TTC21A: variants seen among roughly 807,000 people sequenced by gnomAD.
TTC21A encodes tetratricopeptide repeat domain 21A.
A neutral mutation model predicts 156.4 loss-of-function variants in TTC21A; 128 were observed. That is an observed-to-expected ratio of 0.82 (90% CI 0.71 to 0.95). The LOEUF (loss-of-function observed/expected upper bound fraction) is 0.95. TTC21A is among the 40% of genes least tolerant of loss of function. TTC21A has a pLI of 0.00. For synonymous variants in TTC21A, 587 were observed against 617.1 expected (o/e 0.95, Z 0.72); for missense variants, 1,435 against 1,602.3 (o/e 0.90, Z 1.78).
intron 19 of TTC21A, 110 bp downstream of exon 19, chr3:39,131,205 A>G (rs2125846510): frequency 1.2e-6 from 1 of 813,488 alleles, no homozygotes; most frequent in Non-Finnish European, 1.9e-6. Context: ...CTTCCTTAAA[A>G]AAGGACCTAG....
In TTC21A at chr3:39,138,069, T is replaced by G. The variant is rs115990273; in HGVS notation, c.3676-198T>G. ...TACAGGGAAAGGGGTTACGCCAGTG[T>G]CTGGGGTAGCTGAGAGGAGGGCACA... On this transcript the variant is annotated intron_variant, in intron 26 of 28. Transcript: ENST00000683103. The G allele has an allele frequency of 2.0e-3, 1,419 of 699,058 alleles. 16 individuals carry two copies. In the African/African-American group the frequency reaches 0.022, roughly 11 times the overall value. The allele number at this position is 699,058 out of a possible 1,614,324, so 43.3% of individuals were successfully genotyped here.
At chr3:39,115,159 GA>G (rs35148580) in intron 6 of TTC21A, among the ~76,000 whole-genome samples, 131 of 152,182 alleles carry the variant, frequency 8.6e-4, no homozygotes, top group African/African-American at 2.5e-3. Flanking sequence ...AACTTTAGGG[GA>G]AAAAAGTCAC....
intron 26 of TTC21A, 175 bp downstream of exon 26, chr3:39,137,885 C>T (rs899972038): frequency 2.0e-5 from 14 of 705,140 alleles, no homozygotes; most frequent in Middle Eastern, 3.9e-4. Flanking sequence ...GGATCAAGGG[C>T]GATGGACCAG....
At chr3:39,111,516 G>T (rs2036826130) in intron 4 of TTC21A, among the ~76,000 whole-genome samples, 1 of 152,154 alleles carries the variant, frequency 6.6e-6, no homozygotes, top group African/African-American at 2.4e-5. Flanking sequence ...GAACTGAATG[G>T]TGGCTCATGC....
chr3:39,138,095 C>T, intron 26 of TTC21A, 172 bp from the exon 27 acceptor site: 1 of 850,618 alleles, frequency 1.2e-6, no homozygotes, highest in Non-Finnish European at 1.8e-6. Flanking sequence ...GGAGGGCACA[C>T]AGTTGGCTTC....
rs1298277775 is a variant in TTC21A, at chr3:39,130,958, T to G, written c.2459-34T>G. 1 of 1,609,706 alleles carries G rather than the reference T, an allele frequency of 6.2e-7. No individual in the cohort carries two copies. Among genetic ancestry groups the G allele is most frequent in the Non-Finnish European group, 8.5e-7 (1 of 1,177,122 alleles). ...ACCAACACAGCTTCCCAGGAGCCAGTGAACTAACACTAATTTGAGTTTCCA... is the reference window on the plus strand; with the variant it reads ...ACCAACACAGCTTCCCAGGAGCCAGGGAACTAACACTAATTTGAGTTTCCA... On this transcript the variant is annotated intron_variant, in intron 18 of 28. Coordinates refer to ENST00000683103, the MANE Select transcript of TTC21A (RefSeq NM_001366900.1). The surrounding 1 kb of genome is among the most constrained non-coding windows in gnomAD (Gnocchi z 4.5).
At chr3:39,124,240 T>A (rs750706594) in intron 9 of TTC21A, among the ~76,000 whole-genome samples, 4 of 152,172 alleles carry the variant, frequency 2.6e-5, no homozygotes, top group Non-Finnish European at 5.9e-5. Context: ...AGTAGGGCAA[T>A]AGTTAAATAA....
chr3:39,108,668 T>G (rs751882009), intron 1 of TTC21A, among the ~76,000 whole-genome samples: 1 of 152,206 alleles, frequency 6.6e-6, no homozygotes, highest in East Asian at 1.9e-4. Context: ...TCCATGGGCT[T>G]AAGCTTCCTT....
At chr3:39,129,023 T>A in intron 14 of TTC21A, 49 bp from the exon 15 acceptor site, 2 of 1,608,378 alleles carry the variant, frequency 1.2e-6, no homozygotes, top group Non-Finnish European at 1.7e-6. Context: ...TTCCACCCAC[T>A]GTTTACTTGT....
rs2038618825 is a variant in TTC21A at position 39,130,241 on chromosome 3, C to T, written c.2209-7C>T. ...AGAGGAAGACCCAAAGACACTTTCC[C>T]CACCAGCCCGAGAAGGCCCTGGAGG... On this transcript the variant is annotated splice_polypyrimidine_tract_variant and splice_region_variant and intron_variant, in intron 16 of 28. Coordinates refer to ENST00000683103, the MANE Select transcript of TTC21A (RefSeq NM_001366900.1). The surrounding 1 kb of genome is among the most constrained non-coding windows in gnomAD (Gnocchi z 4.5). 8 of 1,612,706 alleles carry T rather than the reference C, an allele frequency of 5.0e-6. No homozygotes were observed. Among genetic ancestry groups the T allele is most frequent in the Non-Finnish European group, 6.8e-6 (8 of 1,179,272 alleles).
intron 11 of TTC21A, 94 bp from the exon 12 acceptor site, chr3:39,126,167 A>T: frequency 6.6e-7 from 1 of 1,513,428 alleles, no homozygotes; most frequent in Non-Finnish European, 9.0e-7. Flanking sequence ...GAATGAAGCA[A>T]AATTCCTTCA....
chr3:39,118,960 GA>G, intron 7 of TTC21A: 2 of 152,274 alleles, frequency 1.3e-5, no homozygotes, highest in East Asian at 1.9e-4. Flanking sequence ...GTATTTGGGA[GA>G]AAAAGGCCCC....
At chr3:39,133,312 G>T in intron 20 of TTC21A, 72 bp downstream of exon 20, 2 of 1,459,450 alleles carry the variant, frequency 1.4e-6, no homozygotes, top group African/African-American at 1.4e-5. Context: ...CACTGACCAG[G>T]TACAGGGGCC....
intron 22 of TTC21A, among the ~76,000 whole-genome samples, 163 bp downstream of exon 22, chr3:39,135,337 G>A (rs879451853): frequency 1.3e-5 from 2 of 152,210 alleles, no homozygotes; most frequent in Admixed American, 6.5e-5. Flanking sequence ...CCAGTGGAAC[G>A]TGCCGGCCCT....
Position 39,138,789 on chromosome 3 carries a change from C to G in TTC21A, c.*1C>G. 6.2e-7 allele frequency: 1 copy of G among 1,613,700 alleles called. No individual in the cohort carries two copies. The highest frequency in any genetic ancestry group is 8.5e-7 in the Non-Finnish European group (1 of 1,179,676). The stretch of plus-strand genomic sequence containing the variant: ...GGCCCGAAGGTCCCTGAGGCCCTAG[C>G]TGGGGTCAAGGGGCCTGGACCAGTA... On this transcript the variant is annotated 3_prime_UTR_variant, in exon 29 of 29. Transcript: ENST00000683103.
chr3:39,135,019 A>ACCCCCC, intron 21 of TTC21A, 74 bp from the exon 22 acceptor site: 8 of 1,258,914 alleles, frequency 6.4e-6, no homozygotes, highest in South Asian at 6.0e-5. Flanking sequence ...TCACCCCCAT[A>ACCCCCC]CCCCCCGCCT....
chr3:39,128,632 T>A lies in TTC21A; in HGVS notation c.1681-85T>A, dbSNP rs145468311. On this transcript the variant is annotated intron_variant, in intron 13 of 28. Transcript: ENST00000683103. The stretch of plus-strand genomic sequence containing the variant: ...GGCAGGGGTAGGCTCAGTGGGCTCC[T>A]GAGGCTTTCTCTGACCTGGCTGCTG... 1,612 of 1,564,614 alleles carry A rather than the reference T, an allele frequency of 1.0e-3. 15 individuals are homozygous for A. The African/African-American group carries it at 0.019, about 19-fold the overall frequency.
At position 39,109,108 on chromosome 3, in the gene TTC21A, G is replaced by T. The variant is rs760848359; in HGVS notation, c.51G>T (p.Gln17His). The T allele has an allele frequency of 6.2e-7, 1 of 1,614,132 alleles. No homozygotes were observed. Among genetic ancestry groups the T allele is most frequent in the Non-Finnish European group, 8.5e-7 (1 of 1,179,958 alleles). The change falls in exon 2 of 29, where the codon CAG (glutamine) becomes CAT (histidine). Residue 17 changes from glutamine to histidine, a missense_variant. By Grantham distance (24) the Gln-to-His change is conservative (BLOSUM62 0). Coordinates refer to ENST00000683103, the MANE Select transcript of TTC21A (RefSeq NM_001366900.1). ...AGGCTGGGATCATTTACTATAGCCA[G>T]GAAAAGTACTTCCACCATGTGCAGC... ...SLMAGIIYYSQEKYFHHVQQA... is the reference protein window; with the variant it reads ...SLMAGIIYYSHEKYFHHVQQA...
chr3:39,128,315 T>G lies in TTC21A; in HGVS notation c.1523-16T>G, dbSNP rs2038431394. The stretch of plus-strand genomic sequence containing the variant: ...CTTGGGAACCCTGCATGTAGAGGTT[T>G]GTGTATTATTTCTAGGAGAGCTAGA... On this transcript the variant is annotated splice_polypyrimidine_tract_variant and intron_variant, in intron 12 of 28. Coordinates refer to ENST00000683103, the MANE Select transcript of TTC21A (RefSeq NM_001366900.1). 6.2e-7 allele frequency: 1 copy of G among 1,613,268 alleles called. No homozygotes were observed. The highest frequency in any genetic ancestry group is 2.2e-5 in the East Asian group (1 of 44,874).
Sources: gnomAD v4.1 joint callset for allele counts (sites outside exome capture counted in the v4.1 genomes callset) on GRCh38, gnomAD v4.1.1 for gene constraint, Gnocchi (gnomAD v3.1) non-coding constraint, MANE v1.5 for transcripts, NCBI Gene and HGNC (gene_info 2026-07-23, HGNC 2026-07-21) for gene names.